The following SCRN1 variants were observed in gnomAD, a reference collection of about 807,000 sequenced individuals.
The protein encoded by SCRN1 is secernin 1.
A neutral mutation model predicts 43.3 loss-of-function variants in SCRN1; 19 were observed. That is an observed-to-expected ratio of 0.44 (90% confidence interval 0.31 to 0.64). SCRN1 has a LOEUF of 0.64. Among genes scored for constraint, SCRN1 ranks in the 30% least tolerant of loss-of-function variants. The pLI is 0.09. For synonymous variants in SCRN1, 183 were observed against 188.9 expected (o/e 0.97, Z 0.26); for missense variants, 447 against 524.1 (o/e 0.85, Z 1.44).
intron 2 of SCRN1, among the ~76,000 whole-genome samples, chr7:29,961,482 C>A (rs1321335407): frequency 6.9e-6 from 1 of 145,276 alleles, no homozygotes; most frequent in Non-Finnish European, 1.5e-5. Flanking sequence ...TCTACACAGA[C>A]ACGGCAACCA....
upstream of SCRN1, chr7:29,989,897 C>T: frequency 9.3e-7 from 1 of 1,070,898 alleles, no homozygotes. Context: ...CCCGGGGCCC[C>T]GCCGCACCCC....
chr7:29,974,636 A>C (rs1428754343), intron 1 of SCRN1, among the ~76,000 whole-genome samples: 1 of 152,110 alleles, frequency 6.6e-6, no homozygotes, highest in Non-Finnish European at 1.5e-5. Context: ...TATATATTAC[A>C]TAAAACATGC....
At chr7:29,963,548 A>G (rs1311862316) in intron 2 of SCRN1, among the ~76,000 whole-genome samples, 1 of 152,252 alleles carries the variant, frequency 6.6e-6, no homozygotes, top group Non-Finnish European at 1.5e-5. Flanking sequence ...AGAGCTAACA[A>G]TGAGAATAGA....
Position 29,924,005 on chromosome 7 carries a change from C to T in SCRN1, c.1197G>A (p.Gly399=), listed in dbSNP as rs748113988. 6.2e-7 allele frequency: 1 copy of T among 1,614,082 alleles called. No homozygotes were observed. The highest frequency in any genetic ancestry group is 1.1e-5 in the South Asian group (1 of 91,062). The change falls in exon 8 of 8, where the codon GGG becomes GGA. Residue 399 remains glycine, a synonymous_variant. Coordinates refer to ENST00000242059, the MANE Select transcript of SCRN1 (RefSeq NM_014766.5). ...SSEPLDPAEV[G]DLFYDCVDTE... is the part of the protein sequence containing the mutation. ...TGTCAACACAGTCATAGAAAAGGTCCCCCACTTCCGCAGGGTCCAGTGGCT... is the reference window on the plus strand; with the variant it reads ...TGTCAACACAGTCATAGAAAAGGTCTCCCACTTCCGCAGGGTCCAGTGGCT...
intron 4 of SCRN1, among the ~76,000 whole-genome samples, chr7:29,943,399 A>C (rs1787623006): frequency 6.6e-6 from 1 of 152,174 alleles, no homozygotes; most frequent in Non-Finnish European, 1.5e-5. Flanking sequence ...AAGATGCTGC[A>C]CGGGCCACAG....
chr7:29,945,577 G>A (rs1489775256), intron 3 of SCRN1, among the ~76,000 whole-genome samples: 2 of 152,208 alleles, frequency 1.3e-5, no homozygotes, highest in African/African-American at 4.8e-5. Context: ...TGCAGTGCTA[G>A]TGCTTGTGAC....
rs1366912762 is a variant in SCRN1 at position 29,960,718 on chromosome 7, C to CCA, written c.160-5360_160-5359dup. Reference sequence around the variant, plus strand: ...CATGCATGCATACACACACACACATCCACACACACACACATCCACACACCA... The same window carrying CCA: ...CATGCATGCATACACACACACACATCCACACACACACACACATCCACACACCA... On this transcript the variant is annotated intron_variant, in intron 2 of 7. Coordinates refer to ENST00000242059, the MANE Select transcript of SCRN1 (RefSeq NM_014766.5). Among the ~76,000 whole-genome samples the CCA allele has an allele frequency of 1.1e-4, 16 of 151,060 alleles. No individual in the cohort carries two copies. In the East Asian group the frequency reaches 2.3e-3, roughly 22 times the overall value.
chr7:29,930,780 A>G (rs1475921466), intron 6 of SCRN1, among the ~76,000 whole-genome samples: 1 of 152,248 alleles, frequency 6.6e-6, no homozygotes, highest in Non-Finnish European at 1.5e-5. Context: ...GTGTGACAGG[A>G]ATACAAGACG....
At chr7:29,938,380 T>C (rs371298660) in intron 5 of SCRN1, among the ~76,000 whole-genome samples, 2 of 152,188 alleles carry the variant, frequency 1.3e-5, no homozygotes, top group South Asian at 4.1e-4. Flanking sequence ...TTTCGCACAG[T>C]GTAAGCTTTG....
At position 29,923,420 on chromosome 7, in the gene SCRN1, C is replaced by A. The variant is rs1448512505; in HGVS notation, c.*537G>T. The A allele has an allele frequency of 6.6e-6, 1 of 152,576 alleles. No individual in the cohort carries two copies. The highest frequency in any genetic ancestry group is 1.5e-5 in the Non-Finnish European group (1 of 68,266). The allele number at this position is 152,576 out of a possible 1,614,324, so 9.5% of individuals were successfully genotyped here. Reference sequence around the variant, plus strand: ...CTTCCTTCCAATTGGTTCTGCCCCCCAGAAGACACCTGTAGAGACACTGTG... The same window carrying A: ...CTTCCTTCCAATTGGTTCTGCCCCCAAGAAGACACCTGTAGAGACACTGTG... On this transcript the variant is annotated 3_prime_UTR_variant, in exon 8 of 8. Coordinates refer to ENST00000242059, the MANE Select transcript of SCRN1 (RefSeq NM_014766.5).
rs186701360 is a variant in SCRN1 at position 29,956,655 on chromosome 7, G to T, written c.160-1295C>A. Among the ~76,000 whole-genome samples, 8 of 152,276 alleles carry T rather than the reference G, an allele frequency of 5.3e-5. No individual in the cohort carries two copies. The East Asian group carries it at 1.3e-3, about 26-fold the overall frequency. ...ACACTCACTGGTCAGGTGACTTTGG[G>T]TCTGCACAATTCATGTTAAGGTGTT... On this transcript the variant is annotated intron_variant, in intron 2 of 7. Transcript: ENST00000242059.
At chr7:29,960,685 T>A (rs1281978879) in intron 2 of SCRN1, among the ~76,000 whole-genome samples, 1 of 151,990 alleles carries the variant, frequency 6.6e-6, no homozygotes, top group African/African-American at 2.4e-5. Flanking sequence ...ACCTGTACCA[T>A]CCATGAGCAT....
chr7:29,954,838 G>A (rs908712676), intron 3 of SCRN1, among the ~76,000 whole-genome samples: 5 of 152,072 alleles, frequency 3.3e-5, no homozygotes, highest in African/African-American at 1.2e-4. Flanking sequence ...CTAGCACCAC[G>A]TTCGGCTAAT....
chr7:29,930,790 G>A (rs558379349), intron 6 of SCRN1, among the ~76,000 whole-genome samples: 4 of 152,336 alleles, frequency 2.6e-5, no homozygotes, highest in South Asian at 2.1e-4. Flanking sequence ...AATACAAGAC[G>A]ATGGGCCCAA....
At chr7:29,946,071 A>G (rs907951547) in intron 3 of SCRN1, among the ~76,000 whole-genome samples, 2 of 152,258 alleles carry the variant, frequency 1.3e-5, no homozygotes, top group African/African-American at 4.8e-5. Context: ...GCTTATGTTT[A>G]TAGTCAAATA....
intron 1 of SCRN1, among the ~76,000 whole-genome samples, chr7:29,976,816 T>A (rs1410063506): frequency 6.6e-6 from 1 of 152,212 alleles, no homozygotes; most frequent in Non-Finnish European, 1.5e-5. Flanking sequence ...GAGCTGCATG[T>A]ACCAGCATTC....
intron 5 of SCRN1, 23 bp from the exon 6 acceptor site, chr7:29,936,744 C>A: frequency 1.3e-6 from 2 of 1,513,542 alleles, no homozygotes; most frequent in South Asian, 1.3e-5. Flanking sequence ...AAAAGACAGA[C>A]AAATGGAAAG....
At chr7:29,948,731 A>G (rs561944216) in intron 3 of SCRN1, among the ~76,000 whole-genome samples, 1 of 152,386 alleles carries the variant, frequency 6.6e-6, no homozygotes, top group South Asian at 2.1e-4. Flanking sequence ...ACACTGAAAG[A>G]ATGCAGCAAT....
intron 2 of SCRN1, among the ~76,000 whole-genome samples, chr7:29,956,303 A>G (rs949030276): frequency 6.6e-6 from 1 of 152,164 alleles, no homozygotes; most frequent in Non-Finnish European, 1.5e-5. Flanking sequence ...GACCCACGGC[A>G]GAGGAACCTG....
Sources: gnomAD v4.1 joint callset for allele counts (sites outside exome capture counted in the v4.1 genomes callset) on GRCh38, gnomAD v4.1.1 for gene constraint, MANE v1.5 for transcripts, NCBI Gene and HGNC (gene_info 2026-07-23, HGNC 2026-07-21) for gene names.